The following PCDH9 variants were observed in gnomAD, a reference collection of about 807,000 sequenced individuals.
PCDH9 encodes the protein protocadherin-9.
PCDH9 carries 24 observed loss-of-function variants against 70.6 expected under a neutral mutation model. The ratio of observed to expected loss-of-function variants is 0.34; its 90% CI spans 0.25 to 0.48. The LOEUF (loss-of-function observed/expected upper bound fraction) is 0.48, where lower values mean the gene tolerates loss of function less well. Among genes scored for constraint, PCDH9 ranks in the 20% least tolerant of loss-of-function variants. PCDH9 has a pLI of 0.99. For synonymous variants in PCDH9, 562 were observed against 558.5 expected, an observed-to-expected ratio of 1.01 and a Z score of -0.09; for missense variants, 1,281 against 1,503.6, an observed-to-expected ratio of 0.85 and a Z score of 2.45.
intron 3 of PCDH9, among the ~76,000 whole-genome samples, chr13:66,702,552 G>A (rs754609766): frequency 4.6e-5 from 7 of 152,130 alleles, no homozygotes; most frequent in South Asian, 2.1e-4. Context: ...TGCTAAGAGC[G>A]TTGGTCTTAA....
chr13:67,203,872 A>G (rs2089276218), intron 2 of PCDH9: 1 of 152,098 alleles, frequency 6.6e-6, no homozygotes. Context: ...ACTTGGAAAA[A>G]AACCGCCACA....
intron 4 of PCDH9, among the ~76,000 whole-genome samples, chr13:66,394,988 C>A (rs1957077998): frequency 6.6e-6 from 1 of 152,044 alleles, no homozygotes; most frequent in African/African-American, 2.4e-5. Context: ...AGAGAAATTC[C>A]AAAAGTTGCA....
At chr13:66,689,070 T>A (rs970499073) in intron 3 of PCDH9, among the ~76,000 whole-genome samples, 7 of 152,140 alleles carry the variant, frequency 4.6e-5, no homozygotes, top group Admixed American at 4.6e-4. Context: ...ATATGCCATA[T>A]CAAGGAAACA....
chr13:67,050,809 T>C (rs1268168791), intron 2 of PCDH9, among the ~76,000 whole-genome samples: 1 of 152,226 alleles, frequency 6.6e-6, no homozygotes, highest in African/African-American at 2.4e-5. Flanking sequence ...CAGCAGATCC[T>C]AGAGCATTTA....
chr13:66,768,197 C>T (rs1471978139), intron 3 of PCDH9, among the ~76,000 whole-genome samples: 6 of 151,846 alleles, frequency 4.0e-5, no homozygotes, highest in Non-Finnish European at 8.8e-5. Flanking sequence ...TATAGCTGTC[C>T]ATTAAATGTG....
At chr13:67,229,013 C>G (rs2089950307) in intron 1 of PCDH9, among the ~76,000 whole-genome samples, 1 of 152,132 alleles carries the variant, frequency 6.6e-6, no homozygotes, top group Non-Finnish European at 1.5e-5. Context: ...CTTCTCTGCC[C>G]CACTGAGTCA....
At chr13:66,627,809 C>G (rs2077518176) in intron 4 of PCDH9, among the ~76,000 whole-genome samples, 1 of 152,140 alleles carries the variant, frequency 6.6e-6, no homozygotes, top group South Asian at 2.1e-4. Flanking sequence ...CTAGAGATTT[C>G]TTGAAGCTAG....
chr13:66,818,801 G>T (rs2080655352), intron 3 of PCDH9, among the ~76,000 whole-genome samples: 1 of 152,048 alleles, frequency 6.6e-6, no homozygotes, highest in South Asian at 2.1e-4. Flanking sequence ...GGGCGAGGTG[G>T]CGGGCGCCTA....
chr13:66,732,371 T>C (rs1208999595), intron 3 of PCDH9, among the ~76,000 whole-genome samples: 6 of 151,990 alleles, frequency 3.9e-5, no homozygotes, highest in African/African-American at 1.4e-4. Context: ...CTCAACATAC[T>C]ACTATTATCT....
chr13:67,106,687 A>G (rs1594520178), intron 2 of PCDH9, among the ~76,000 whole-genome samples: 1 of 152,168 alleles, frequency 6.6e-6, no homozygotes, highest in African/African-American at 2.4e-5. Flanking sequence ...AGCTGCAGCC[A>G]CCCAGCCATG....
intron 2 of PCDH9, among the ~76,000 whole-genome samples, chr13:67,045,345 T>C (rs113622663): frequency 1.8e-4 from 28 of 152,256 alleles, no homozygotes; most frequent in African/African-American, 6.0e-4. Context: ...GTTTAGCGTA[T>C]TGTACAATTT....
chr13:66,638,766 A>G (rs558333069), intron 3 of PCDH9, among the ~76,000 whole-genome samples: 82 of 152,328 alleles, frequency 5.4e-4, no homozygotes, highest in African/African-American at 1.9e-3. Context: ...AGTAGAAACG[A>G]AATATTATTG....
chr13:67,201,218 C>A (rs554722894), intron 2 of PCDH9: 1 of 151,734 alleles, frequency 6.6e-6, no homozygotes, highest in Non-Finnish European at 1.5e-5. Context: ...GGTATATATC[C>A]GTTTAAATAA....
At chr13:67,160,408 G>A (rs964917301) in intron 2 of PCDH9, among the ~76,000 whole-genome samples, 1 of 151,990 alleles carries the variant, frequency 6.6e-6, no homozygotes, top group Non-Finnish European at 1.5e-5. Flanking sequence ...TTAGCCGGGC[G>A]TGGTGGCGGG....
intron 4 of PCDH9, among the ~76,000 whole-genome samples, chr13:66,501,249 G>T (rs1469072320): frequency 6.6e-6 from 1 of 152,042 alleles, no homozygotes; most frequent in Non-Finnish European, 1.5e-5. Flanking sequence ...CTGCTTTCCT[G>T]TGAGGGGAAT....
chr13:66,608,158 T>TTG (rs1470606720), intron 4 of PCDH9, among the ~76,000 whole-genome samples: 150 of 148,118 alleles, frequency 1.0e-3, no homozygotes, highest in East Asian at 2.3e-3. Flanking sequence ...ATATATGTGT[T>TTG]TGTGTGTGTG....
Position 67,227,625 on chromosome 13 carries a change from A to C in PCDH9, c.816T>G (p.Ile272Met), listed in dbSNP as rs2089911687. The C allele has an allele frequency of 1.2e-6, 2 of 1,613,840 alleles. No individual in the cohort carries two copies. Among genetic ancestry groups the C allele is most frequent in the Non-Finnish European group, 1.7e-6 (2 of 1,179,718 alleles). The change falls in exon 2 of 5, where the codon ATT becomes ATG. Residue 272 changes from isoleucine (I) to methionine (M), a missense_variant. By Grantham distance (10) the Ile-to-Met change is conservative (BLOSUM62 1). Around this residue, in one of 4 missense-constraint regions of PCDH9, gnomAD observed 798 missense variants for 1,003.1 expected, o/e 0.80. Transcript: ENST00000377865. This position sits in a 1 kb window ranked among gnomAD's most constrained non-coding sequence, Gnocchi z 4.6. ...TATCTGCATCAGTGGCATGGAGCTGAATTACAGAGGTACCTACGGGAGCAT... is the reference window on the plus strand; with the variant it reads ...TATCTGCATCAGTGGCATGGAGCTGCATTACAGAGGTACCTACGGGAGCAT... ...PENAPVGTSV[I>M]QLHATDADIG...
chr13:66,469,615 T>C (rs900110890), intron 4 of PCDH9, among the ~76,000 whole-genome samples: 11 of 152,178 alleles, frequency 7.2e-5, no homozygotes, highest in African/African-American at 2.7e-4. Flanking sequence ...ATATTATTTC[T>C]TCTATGCCAC....
chr13:66,547,927 TATA>T (rs1040609625), intron 4 of PCDH9, among the ~76,000 whole-genome samples: 25 of 147,712 alleles, frequency 1.7e-4, no homozygotes, highest in African/African-American at 3.4e-4. Context: ...AATCATATTA[TATA>T]ATAATATATA....
Sources: gnomAD v4.1 joint callset for allele counts (sites outside exome capture counted in the v4.1 genomes callset) on GRCh38, gnomAD v4.1.1 for gene constraint, gnomAD v4.1.1 regional missense constraint, Gnocchi (gnomAD v3.1) non-coding constraint, MANE v1.5 for transcripts, NCBI Gene and HGNC (gene_info 2026-07-23, HGNC 2026-07-21) for gene names.